The following CDC40 variants were observed in gnomAD, a reference collection of about 807,000 sequenced individuals.
CDC40 encodes the protein cell division cycle 40.
A neutral mutation model predicts 80.6 loss-of-function variants in CDC40; 27 were observed. That is an observed-to-expected ratio of 0.33 (90% confidence interval 0.25 to 0.46). The LOEUF is 0.46. Ranked by LOEUF, CDC40 falls within the 20% of genes least tolerant of loss-of-function variation. The probability of loss-of-function intolerance (pLI) is 1.00; values close to 1 mark genes in which losing one functional copy is unlikely to be tolerated. For synonymous variants in CDC40, 221 were observed against 232.6 expected, an observed-to-expected ratio of 0.95 and a Z score of 0.45; for missense variants, 486 against 694.1, an observed-to-expected ratio of 0.70 and a Z score of 3.37.
intron 13 of CDC40, among the ~76,000 whole-genome samples, chr6:110,226,943 C>T (rs909687824): frequency 6.6e-6 from 1 of 151,746 alleles, no homozygotes; most frequent in Non-Finnish European, 1.5e-5. Flanking sequence ...TTTGGTTGAG[C>T]CAGGAGATTG....
chr6:110,227,871 G>T (rs1777886666), intron 13 of CDC40, among the ~76,000 whole-genome samples: 1 of 152,172 alleles, frequency 6.6e-6, no homozygotes, highest in African/African-American at 2.4e-5. Context: ...TTGGGTAGGG[G>T]TGCAGATCCT....
chr6:110,197,686 T>C (rs1192269532), intron 2 of CDC40, among the ~76,000 whole-genome samples: 1 of 149,082 alleles, frequency 6.7e-6, no homozygotes, highest in Non-Finnish European at 1.5e-5. Flanking sequence ...CATGTGATAC[T>C]TGTCCCAGCA....
Position 110,231,214 on chromosome 6 carries a change from GATAGTCCGGAC to G in CDC40, c.*1084_*1094del, listed in dbSNP as rs1777933631. The G allele has an allele frequency of 6.6e-6, 1 of 152,158 alleles. No individual in the cohort carries two copies. The highest frequency in any genetic ancestry group is 1.5e-5 in the Non-Finnish European group (1 of 68,012). The allele number at this position is 152,158 out of a possible 1,614,324, so 9.4% of individuals were successfully genotyped here. A position where few individuals can be genotyped will look rare whatever the true frequency, so the allele number is the denominator to read the frequency against. On this transcript the variant is annotated 3_prime_UTR_variant, in exon 15 of 15. Transcript: ENST00000307731. Reference sequence around the variant, plus strand: ...TGAAAACATCAGATTATAAAATCAAGATAGTCCGGACGCGGTGGCACATGCCTGTAATCCCA... The same window carrying G: ...TGAAAACATCAGATTATAAAATCAAGGCGGTGGCACATGCCTGTAATCCCA...
chr6:110,198,562 C>T (rs1451114130), intron 2 of CDC40, among the ~76,000 whole-genome samples: 3 of 152,084 alleles, frequency 2.0e-5, no homozygotes, highest in Non-Finnish European at 4.4e-5. Context: ...TATTTTCTTA[C>T]TGTTGAGTTG....
At chr6:110,221,865 C>CTTTTT (rs200106149) in intron 12 of CDC40, among the ~76,000 whole-genome samples, 1 of 121,264 alleles carries the variant, frequency 8.2e-6, no homozygotes, top group African/African-American at 2.9e-5. Flanking sequence ...TAGTATGTTT[C>CTTTTT]TTTTTTTTTT....
chr6:110,192,437 G>A (rs1479770912), intron 1 of CDC40, among the ~76,000 whole-genome samples: 1 of 152,174 alleles, frequency 6.6e-6, no homozygotes, highest in African/African-American at 2.4e-5. Context: ...AAGGCTGGAA[G>A]GATTCATTGT....
At chr6:110,195,043 T>G (rs771340001) in intron 2 of CDC40, among the ~76,000 whole-genome samples, 1 of 152,148 alleles carries the variant, frequency 6.6e-6, no homozygotes, top group Non-Finnish European at 1.5e-5. Flanking sequence ...CTTTACAAGG[T>G]AAAAAAGGAC....
At chr6:110,216,079 T>G (rs888261498) in intron 9 of CDC40, among the ~76,000 whole-genome samples, 1 of 152,072 alleles carries the variant, frequency 6.6e-6, no homozygotes, top group South Asian at 2.1e-4. Context: ...GTAAAAATGT[T>G]CAGTAAGCAA....
rs1777921851 is a variant in CDC40, at chr6:110,230,468, TA to T, written c.*338del. 5.2e-6 allele frequency: 1 copy of T among 191,424 alleles called. No homozygotes were observed. The highest frequency in any genetic ancestry group is 1.1e-5 in the Non-Finnish European group (1 of 95,050). The allele number at this position is 191,424 out of a possible 1,614,324, so 11.9% of individuals were successfully genotyped here. A position where few individuals can be genotyped will look rare whatever the true frequency, so the allele number is the denominator to read the frequency against. ...GGATTTGGGATTCTAGAGGAGGTGTTATAATTAATTATTCAGAAAAATGCAT... is the reference window on the plus strand; with the variant it reads ...GGATTTGGGATTCTAGAGGAGGTGTTTAATTAATTATTCAGAAAAATGCAT... On this transcript the variant is annotated 3_prime_UTR_variant, in exon 15 of 15. Transcript: ENST00000307731.
At chr6:110,209,343 C>T in intron 5 of CDC40, 120 bp downstream of exon 5, 6 of 752,514 alleles carry the variant, frequency 8.0e-6, no homozygotes, top group South Asian at 4.0e-5. Context: ...AATTTTTCTG[C>T]CTTTAGTTGA....
intron 1 of CDC40, 60 bp downstream of exon 1, chr6:110,180,693 A>G: frequency 7.9e-7 from 1 of 1,269,406 alleles, no homozygotes; most frequent in South Asian, 1.2e-5. Flanking sequence ...CAGAACTGCC[A>G]GCCGCTTGTT....
chr6:110,216,659 G>T (rs1203868194), intron 9 of CDC40, among the ~76,000 whole-genome samples: 1 of 152,194 alleles, frequency 6.6e-6, no homozygotes, highest in Non-Finnish European at 1.5e-5. Flanking sequence ...TTCACTGGAG[G>T]TGATGGTTTA....
rs375274956 is a variant in CDC40, at chr6:110,219,392, A to C, written c.1119A>C (p.Arg373=). The C allele has an allele frequency of 5.6e-6, 9 of 1,598,694 alleles. No homozygotes were observed. In the African/African-American group the frequency reaches 1.2e-4, roughly 21 times the overall value. Residue 373 remains arginine (R), a synonymous_variant, in exon 11 of 15, where the codon CGA becomes CGC. Coordinates refer to ENST00000307731, the MANE Select transcript of CDC40 (RefSeq NM_015891.3). ...TGQCISRFTN[R]KVPYCVKFNP... is the part of the protein sequence containing the mutation. ...AGTGTATATCAAGATTTACAAACCG[A>C]AAAGTACCTTATTGTGTCAAATTCA...
chr6:110,191,533 A>G (rs1562199857), intron 1 of CDC40, among the ~76,000 whole-genome samples: 1 of 152,204 alleles, frequency 6.6e-6, no homozygotes, highest in South Asian at 2.1e-4. Flanking sequence ...GATAAATGTA[A>G]TGGAGGAAAA....
intron 5 of CDC40, among the ~76,000 whole-genome samples, chr6:110,210,304 C>T (rs1034324894): frequency 1.3e-5 from 2 of 151,746 alleles, no homozygotes; most frequent in African/African-American, 4.8e-5. Context: ...AAGCCCAGCA[C>T]TTTGGGAGGC....
At position 110,215,349 on chromosome 6, in the gene CDC40, T is replaced by A; in HGVS notation, c.988+18T>A. On this transcript the variant is annotated intron_variant, in intron 9 of 14. Transcript: ENST00000307731. ...ATTTATTGGTAATGCTTCTTTTCTC[T>A]CCAACATAAATCTGGGAAGAATTTT... is the stretch of plus-strand genomic sequence containing the variant. 2 of 1,602,016 alleles carry A rather than the reference T, an allele frequency of 1.2e-6. No homozygotes were observed. Among genetic ancestry groups the A allele is most frequent in the Non-Finnish European group, 1.7e-6 (2 of 1,169,080 alleles).
In CDC40 at chr6:110,231,124, C is replaced by T. The variant is rs1336081339; in HGVS notation, c.*993C>T. 6.6e-6 allele frequency: 1 copy of T among 151,892 alleles called. No individual in the cohort carries two copies. Among genetic ancestry groups the T allele is most frequent in the Non-Finnish European group, 1.5e-5 (1 of 67,980 alleles). 9.4% of individuals were successfully genotyped at this position (151,892 alleles called of 1,614,324 possible). ...CCTCTATGTCTGAAAAAAAAAATGA[C>T]ACTCCTGGAAGATGGCTAGGGTTCC... On this transcript the variant is annotated 3_prime_UTR_variant, in exon 15 of 15. Coordinates refer to ENST00000307731, the MANE Select transcript of CDC40 (RefSeq NM_015891.3).
intron 1 of CDC40, among the ~76,000 whole-genome samples, chr6:110,186,331 A>T (rs1777269638): frequency 6.6e-6 from 1 of 152,040 alleles, no homozygotes; most frequent in South Asian, 2.1e-4. Context: ...TCTAGAAAAA[A>T]TACAAAAATT....
At chr6:110,186,541 C>G (rs771577024) in intron 1 of CDC40, among the ~76,000 whole-genome samples, 1 of 152,102 alleles carries the variant, frequency 6.6e-6, no homozygotes, top group Non-Finnish European at 1.5e-5. Context: ...CTGTATTTCT[C>G]GAAGGATATT....
Sources: allele counts gnomAD v4.1 joint callset (sites outside exome capture counted in the v4.1 genomes callset), GRCh38; gene constraint gnomAD v4.1.1; transcripts MANE v1.5; gene names NCBI Gene and HGNC (gene_info 2026-07-23, HGNC 2026-07-21).